Variants in TASOR observed in about 807,000 individuals in gnomAD.
TASOR encodes transcription activation suppressor.
TASOR carries 53 observed loss-of-function variants against 178.6 expected under a neutral mutation model. The observed-to-expected ratio is 0.30, with a 90% CI of 0.24 to 0.37. TASOR has a LOEUF of 0.37. Among genes scored for constraint, TASOR ranks in the 10% least tolerant of loss-of-function variants. The pLI is 1.00. For synonymous variants in TASOR, 713 were observed against 696.2 expected (o/e 1.02, Z -0.38); for missense variants, 1,815 against 1,971.4 (o/e 0.92, Z 1.50).
At chr3:56,659,923 G>A (rs1305759396) in intron 11 of TASOR, among the ~76,000 whole-genome samples, 1 of 151,394 alleles carries the variant, frequency 6.6e-6, no homozygotes, top group Non-Finnish European at 1.5e-5. Flanking sequence ...CACTCAGGCT[G>A]GAGCGCAATG....
At chr3:56,625,531 G>C (rs2317244) in intron 21 of TASOR, among the ~76,000 whole-genome samples, 93,928 of 152,014 alleles carry the variant, frequency 0.62, 31,621 homozygotes, top group East Asian at 0.96. Context: ...CCTGTAATCC[G>C]AACTACTTGG....
At chr3:56,672,819 AATTT>A (rs1254335618) in intron 2 of TASOR, among the ~76,000 whole-genome samples, 1 of 152,138 alleles carries the variant, frequency 6.6e-6, no homozygotes, top group Non-Finnish European at 1.5e-5. Context: ...ACTAATTCAC[AATTT>A]ATTTATTTAC....
In TASOR at chr3:56,668,403, A is replaced by T; in HGVS notation, c.891T>A (p.Leu297=). The change falls in exon 6 of 24, where the codon CTT becomes CTA. Residue 297 remains leucine, a synonymous_variant. Transcript: ENST00000683822. ...AACGGATCCTGGAACCTACCTGAGT[A>T]AGCTCATAGGCTCTGTAAGCCAAAA... The part of the protein sequence containing the change: ...TSLLAYRAYE[L]TQYYFYEYGF... The T allele has an allele frequency of 2.6e-6, 4 of 1,551,128 alleles. No homozygotes were observed. The highest frequency in any genetic ancestry group is 2.6e-6 in the Non-Finnish European group (3 of 1,146,808).
chr3:56,624,692 CA>C (rs750686031), intron 22 of TASOR, 49 bp from the exon 23 acceptor site: 2 of 1,570,984 alleles, frequency 1.3e-6, no homozygotes, highest in Non-Finnish European at 1.7e-6. Flanking sequence ...AAAATATAGA[CA>C]GCCCCTAGCC....
In TASOR at chr3:56,671,547, A is replaced by G. The variant is rs2107631311; in HGVS notation, c.570+53T>C. 3 of 1,285,952 alleles carry G rather than the reference A, an allele frequency of 2.3e-6. No individual in the cohort carries two copies. In the East Asian group the frequency reaches 7.7e-5, roughly 33 times the overall value. 79.7% of individuals were successfully genotyped at this position (1,285,952 alleles called of 1,614,324 possible). A position where few individuals can be genotyped will look rare whatever the true frequency, so the allele number is the denominator to read the frequency against. Reference sequence around the variant, plus strand: ...ACTGTTGAATAATCACAAAATTAGTAACTTACAATGGAAACATCCCCAAAT... The same window carrying G: ...ACTGTTGAATAATCACAAAATTAGTGACTTACAATGGAAACATCCCCAAAT... On this transcript the variant is annotated intron_variant, in intron 3 of 23. Coordinates refer to ENST00000683822, the MANE Select transcript of TASOR (RefSeq NM_001365635.2).
chr3:56,672,261 C>T (rs1479805150), intron 2 of TASOR, among the ~76,000 whole-genome samples: 1 of 152,156 alleles, frequency 6.6e-6, no homozygotes, highest in African/African-American at 2.4e-5. Flanking sequence ...AAATAGCTAA[C>T]ATTTTATATT....
At chr3:56,660,462 T>C (rs1306366653) in intron 11 of TASOR, among the ~76,000 whole-genome samples, 4 of 128,522 alleles carry the variant, frequency 3.1e-5, no homozygotes, top group Admixed American at 1.9e-4. Flanking sequence ...CTGTACTCCA[T>C]CCTGGTGAGA....
chr3:56,621,653 G>T lies in TASOR; in HGVS notation c.*1384C>A. The T allele has an allele frequency of 7.0e-7, 1 of 1,425,808 alleles. No homozygotes were observed. Among genetic ancestry groups the T allele is most frequent in the Non-Finnish European group, 9.7e-7 (1 of 1,027,526 alleles). The allele number at this position is 1,425,808 out of a possible 1,614,324, so 88.3% of individuals were successfully genotyped here. On this transcript the variant is annotated 3_prime_UTR_variant, in exon 24 of 24. Coordinates refer to ENST00000683822, the MANE Select transcript of TASOR (RefSeq NM_001365635.2). Reference sequence around the variant, plus strand: ...ATCAAATCCTTCACATTTGATTTGTGTCTTCCAAATTATAAAATGTGCTCA... The same window carrying T: ...ATCAAATCCTTCACATTTGATTTGTTTCTTCCAAATTATAAAATGTGCTCA...
At chr3:56,660,339 A>T (rs1180429659) in intron 11 of TASOR, among the ~76,000 whole-genome samples, 1 of 151,888 alleles carries the variant, frequency 6.6e-6, no homozygotes. Flanking sequence ...AAAATACAAA[A>T]ATCAGCTGGC....
intron 11 of TASOR, among the ~76,000 whole-genome samples, chr3:56,657,688 T>C (rs944463118): frequency 6.6e-6 from 1 of 152,180 alleles, no homozygotes; most frequent in African/African-American, 2.4e-5. Context: ...GAGATCTCCC[T>C]AAGCATTTAC....
At chr3:56,672,482 A>G (rs1485763902) in intron 2 of TASOR, among the ~76,000 whole-genome samples, 3 of 152,218 alleles carry the variant, frequency 2.0e-5, no homozygotes, top group Non-Finnish European at 4.4e-5. Flanking sequence ...AAAAATTCGT[A>G]TTTCAGGTCC....
intron 6 of TASOR, 21 bp from the exon 7 acceptor site, chr3:56,666,405 A>C (rs1170320195): frequency 5.5e-6 from 8 of 1,451,290 alleles, no homozygotes; most frequent in Non-Finnish European, 7.3e-6. Flanking sequence ...GAAAATGAAA[A>C]ATTAACTTCT....
chr3:56,639,157 A>C (rs2077072084), intron 16 of TASOR, among the ~76,000 whole-genome samples: 1 of 152,212 alleles, frequency 6.6e-6, no homozygotes, highest in African/African-American at 2.4e-5. Flanking sequence ...AAGTTTTATA[A>C]ATTCTTCTCA....
chr3:56,671,574 G>A, intron 3 of TASOR, 26 bp downstream of exon 3: 1 of 1,488,488 alleles, frequency 6.7e-7, no homozygotes, highest in Non-Finnish European at 9.1e-7. Flanking sequence ...TCCCCAAATT[G>A]TTTTTTATAA....
intron 8 of TASOR, among the ~76,000 whole-genome samples, chr3:56,662,907 G>A (rs1207390420): frequency 6.6e-6 from 1 of 152,164 alleles, no homozygotes; most frequent in African/African-American, 2.4e-5. Context: ...GGCTGGGCAT[G>A]GTGGCTCACA....
intron 11 of TASOR, among the ~76,000 whole-genome samples, chr3:56,659,264 T>C (rs1342633656): frequency 6.6e-6 from 1 of 152,172 alleles, no homozygotes; most frequent in Admixed American, 6.5e-5. Flanking sequence ...TCAACTGTTG[T>C]AAAACTTGTA....
At chr3:56,672,559 C>T (rs964297153) in intron 2 of TASOR, among the ~76,000 whole-genome samples, 1 of 152,206 alleles carries the variant, frequency 6.6e-6, no homozygotes, top group African/African-American at 2.4e-5. Flanking sequence ...TAAATCAAAA[C>T]TCAAATATTC....
Position 56,646,442 on chromosome 3 carries a change from T to C in TASOR, c.2215+80A>G, listed in dbSNP as rs1405996680. The C allele has an allele frequency of 3.3e-6, 4 of 1,215,616 alleles. No individual in the cohort carries two copies. The African/African-American group carries it at 6.1e-5, about 18-fold the overall frequency. The allele number at this position is 1,215,616 out of a possible 1,614,324, so 75.3% of individuals were successfully genotyped here. A position where few individuals can be genotyped will look rare whatever the true frequency, so the allele number is the denominator to read the frequency against. The stretch of plus-strand genomic sequence containing the variant: ...CAGGCTGAATTTGACCCTCAGGCTT[T>C]AATTTATACGCCCCTCTGCTACAAG... On this transcript the variant is annotated intron_variant, in intron 14 of 23. Coordinates refer to ENST00000683822, the MANE Select transcript of TASOR (RefSeq NM_001365635.2).
intron 11 of TASOR, among the ~76,000 whole-genome samples, chr3:56,654,097 T>A (rs2107595963): frequency 2.0e-5 from 3 of 152,138 alleles, no homozygotes; most frequent in Middle Eastern, 6.8e-3. Flanking sequence ...TGAAACCCTG[T>A]CTCTACTAAA....
Sources: allele counts gnomAD v4.1 joint callset (sites outside exome capture counted in the v4.1 genomes callset), GRCh38; gene constraint gnomAD v4.1.1; transcripts MANE v1.5; gene names NCBI Gene and HGNC (gene_info 2026-07-23, HGNC 2026-07-21).